WBP11: variants seen among roughly 807,000 people sequenced by gnomAD.
The protein encoded by WBP11 is WW domain-binding protein 11.
A neutral mutation model predicts 66.7 loss-of-function variants in WBP11; 12 were observed. That is an observed-to-expected ratio of 0.18 (90% CI 0.12 to 0.29). The LOEUF (loss-of-function observed/expected upper bound fraction) is 0.29. Ranked by LOEUF, WBP11 falls within the 10% of genes least tolerant of loss-of-function variation. The pLI is 1.00. For missense variants in WBP11, 555 were observed against 818.3 expected (o/e 0.68, Z 3.93); for synonymous variants, 255 against 273.8 (o/e 0.93, Z 0.68).
At chr12:14,792,541 A>G (rs969504817) in intron 8 of WBP11, among the ~76,000 whole-genome samples, 2 of 131,552 alleles carry the variant, frequency 1.5e-5, no homozygotes, top group African/African-American at 5.2e-5. Flanking sequence ...GAGAATATAT[A>G]AGAAAAATCT....
chr12:14,793,710 G>GA, intron 8 of WBP11, 21 bp downstream of exon 8: 1 of 1,609,632 alleles, frequency 6.2e-7, no homozygotes, highest in Non-Finnish European at 8.5e-7. Context: ...TCAATACCAT[G>GA]AATCCTTCAT....
chr12:14,790,333 C>A, intron 10 of WBP11, 123 bp downstream of exon 10: 1 of 1,298,148 alleles, frequency 7.7e-7, no homozygotes, highest in Non-Finnish European at 1.1e-6. Flanking sequence ...GAATCCTTCA[C>A]ATCTTAAGAG....
At chr12:14,798,895 T>C (rs1949925641) in intron 4 of WBP11, among the ~76,000 whole-genome samples, 1 of 152,200 alleles carries the variant, frequency 6.6e-6, no homozygotes. Context: ...TTCTTGCATG[T>C]TTGAAAATTT....
chr12:14,792,500 G>A (rs1188273610), intron 8 of WBP11, among the ~76,000 whole-genome samples: 3 of 131,436 alleles, frequency 2.3e-5, no homozygotes, highest in Non-Finnish European at 3.6e-5. Flanking sequence ...CTCAGAGTTG[G>A]GACGGCCATT....
At chr12:14,791,301 T>C (rs752584156) in intron 8 of WBP11, 31 bp from the exon 9 acceptor site, 28 of 1,595,842 alleles carry the variant, frequency 1.8e-5, no homozygotes, top group South Asian at 2.2e-5. Context: ...GTGGAGTAGA[T>C]TGGCATCAAC....
In WBP11 at chr12:14,785,788, GCACT is replaced by G. The variant is rs1206109497; in HGVS notation, c.*1273_*1276del. On this transcript the variant is annotated 3_prime_UTR_variant, in exon 12 of 12. Coordinates refer to ENST00000261167, the MANE Select transcript of WBP11 (RefSeq NM_016312.3). The stretch of plus-strand genomic sequence containing the variant: ...AGTAACGTATGCCTAAACAATGCAC[GCACT>G]GTGTGTATGTGTTTATGAAATACAC... 2.6e-5 allele frequency: 4 copies of G among 152,180 alleles called. No homozygotes were observed. The highest frequency in any genetic ancestry group is 9.7e-5 in the African/African-American group (4 of 41,442). 9.4% of individuals were successfully genotyped at this position (152,180 alleles called of 1,614,324 possible).
At chr12:14,798,552 GA>G (rs1949919291) in intron 4 of WBP11, among the ~76,000 whole-genome samples, 1 of 152,170 alleles carries the variant, frequency 6.6e-6, no homozygotes, top group Non-Finnish European at 1.5e-5. Context: ...GCAGGAAGTG[GA>G]ATCAGTTACA....
Position 14,790,046 on chromosome 12 carries a change from A to G in WBP11, c.1309+410T>C, listed in dbSNP as rs183266230. Among the ~76,000 whole-genome samples, 3 of 152,372 alleles carry G rather than the reference A, an allele frequency of 2.0e-5. No individual in the cohort carries two copies. In the East Asian group the frequency reaches 5.8e-4, roughly 29 times the overall value. Reference sequence around the variant, plus strand: ...AAAAAAGAACTACAACTAAAAAACTATGGAGATTACACTGACATTCAACAT... The same window carrying G: ...AAAAAAGAACTACAACTAAAAAACTGTGGAGATTACACTGACATTCAACAT... On this transcript the variant is annotated intron_variant, in intron 10 of 11. Transcript: ENST00000261167.
chr12:14,803,447 A>G lies in WBP11; in HGVS notation c.-141T>C. 1 of 398,572 alleles carries G rather than the reference A, an allele frequency of 2.5e-6. No homozygotes were observed. Among genetic ancestry groups the G allele is most frequent in the Non-Finnish European group, 4.4e-6 (1 of 226,132 alleles). The allele number at this position is 398,572 out of a possible 1,614,324, so 24.7% of individuals were successfully genotyped here. A position where few individuals can be genotyped will look rare whatever the true frequency, so the allele number is the denominator to read the frequency against. Reference sequence around the variant, plus strand: ...GGCCTTCAACTGGGTCTCTCGGTCAACCCCTCAGCTACCGCCATCTTGAAA... The same window carrying G: ...GGCCTTCAACTGGGTCTCTCGGTCAGCCCCTCAGCTACCGCCATCTTGAAA... On this transcript the variant is annotated 5_prime_UTR_variant, in exon 1 of 12. Coordinates refer to ENST00000261167, the MANE Select transcript of WBP11 (RefSeq NM_016312.3).
rs1235539699 is a variant in WBP11, at chr12:14,793,276, T to TATTA, written c.913+454_913+455insTAAT. On this transcript the variant is annotated intron_variant, in intron 8 of 11. Transcript: ENST00000261167. ...AATAATCAAACACACACATTATAGA[T>TATTA]ATAATATGTTTCATGATTCCACTCA... 3.3e-5 allele frequency among the ~76,000 whole-genome samples: 5 copies of TATTA among 152,288 alleles called. No homozygotes were observed. In the East Asian group the frequency reaches 9.6e-4, roughly 29 times the overall value.
chr12:14,793,837 GTCA>G lies in WBP11; in HGVS notation c.804_806del (p.Asp269del). ...TGTCGGTGTCACTGTCATCAGTACT[GTCA>G]TCATGCTTATCTTGATCCATGTCCT... On this transcript the variant is annotated inframe_deletion, in exon 8 of 12. Coordinates refer to ENST00000261167, the MANE Select transcript of WBP11 (RefSeq NM_016312.3). 1 of 1,613,818 alleles carries G rather than the reference GTCA, an allele frequency of 6.2e-7. No homozygotes were observed. The highest frequency in any genetic ancestry group is 8.5e-7 in the Non-Finnish European group (1 of 1,179,964).
Position 14,787,380 on chromosome 12 carries a change from T to A in WBP11, c.1611A>T (p.Pro537=), listed in dbSNP as rs113714074. Residue 537 remains proline, a synonymous_variant, in exon 12 of 12, where the codon CCA becomes CCT. Transcript: ENST00000261167. ...PLPNPGVLSA[P]PNLIQRPKAD... ...CCTTGGGTCGCTGAATCAAGTTGGG[T>A]GGGGCACTTAAAACCCCAGGGTTTG... 6.2e-6 allele frequency: 10 copies of A among 1,600,548 alleles called. No homozygotes were observed. Among genetic ancestry groups the A allele is most frequent in the Non-Finnish European group, 8.5e-6 (10 of 1,171,124 alleles).
At chr12:14,788,412 A>G (rs1296537067) in intron 11 of WBP11, among the ~76,000 whole-genome samples, 1 of 152,196 alleles carries the variant, frequency 6.6e-6, no homozygotes, top group Non-Finnish European at 1.5e-5. Context: ...TATTAAGTAC[A>G]TTTTATCAAA....
At chr12:14,791,106 T>C in intron 9 of WBP11, 63 bp downstream of exon 9, 1 of 1,479,304 alleles carries the variant, frequency 6.8e-7, no homozygotes, top group Non-Finnish European at 9.4e-7. Flanking sequence ...TGGAAAAACG[T>C]ATGTAAAGTA....
Position 14,787,941 on chromosome 12 carries a change from C to T in WBP11, c.1493-443G>A, listed in dbSNP as rs148624834. 7.9e-4 allele frequency among the ~76,000 whole-genome samples: 120 copies of T among 152,264 alleles called. 3 individuals are homozygous for T. The East Asian group carries it at 0.019, about 24-fold the overall frequency. On this transcript the variant is annotated intron_variant, in intron 11 of 11. Coordinates refer to ENST00000261167, the MANE Select transcript of WBP11 (RefSeq NM_016312.3). ...GAAATAAAATTTTAACCCTGGTCAT[C>T]AAATGCATACGGAGGCCGAGCATGG...
At chr12:14,802,832 G>A (rs1285724529) in intron 1 of WBP11, among the ~76,000 whole-genome samples, 2 of 152,094 alleles carry the variant, frequency 1.3e-5, no homozygotes, top group Admixed American at 1.3e-4. Context: ...AGTTTCCTCA[G>A]GCTCATGTTC....
chr12:14,789,691 G>A (rs1413210522), intron 10 of WBP11, among the ~76,000 whole-genome samples: 1 of 152,074 alleles, frequency 6.6e-6, no homozygotes, highest in Non-Finnish European at 1.5e-5. Flanking sequence ...TCACAGCTCC[G>A]CAATGTTGGA....
At chr12:14,800,565 G>A (rs1949950175) in intron 3 of WBP11, among the ~76,000 whole-genome samples, 187 bp downstream of exon 3, 1 of 152,070 alleles carries the variant, frequency 6.6e-6, no homozygotes, top group Admixed American at 6.6e-5. Flanking sequence ...CCTGTAGTGA[G>A]CTTCTCTGCA....
In WBP11 at chr12:14,793,840, A is replaced by G. The variant is rs746681316; in HGVS notation, c.804T>C (p.Asp268=). ...YPEDMDQDKH[D]DSTDDSDTDK... is the part of the protein sequence containing the mutation. ...CGGTGTCACTGTCATCAGTACTGTCATCATGCTTATCTTGATCCATGTCCT... is the reference window on the plus strand; with the variant it reads ...CGGTGTCACTGTCATCAGTACTGTCGTCATGCTTATCTTGATCCATGTCCT... Residue 268 remains aspartate (D), a synonymous_variant, in exon 8 of 12, where the codon GAT becomes GAC. Coordinates refer to ENST00000261167, the MANE Select transcript of WBP11 (RefSeq NM_016312.3). 2.5e-6 allele frequency: 4 copies of G among 1,613,964 alleles called. No individual in the cohort carries two copies. Among genetic ancestry groups the G allele is most frequent in the Admixed American group, 3.3e-5 (2 of 59,998 alleles).
Sources: gnomAD v4.1 joint callset for allele counts (sites outside exome capture counted in the v4.1 genomes callset) on GRCh38, gnomAD v4.1.1 for gene constraint, MANE v1.5 for transcripts, NCBI Gene and HGNC (gene_info 2026-07-23, HGNC 2026-07-21) for gene names.